RELN: variants seen among roughly 807,000 people sequenced by gnomAD.
The protein encoded by RELN is reelin.
In RELN, 108 loss-of-function variants were observed where a neutral mutation model predicts 427.6. That is an observed-to-expected ratio of 0.25 (90% CI 0.22 to 0.30). The LOEUF (loss-of-function observed/expected upper bound fraction) is 0.30, where lower values mean the gene tolerates loss of function less well. Ranked by LOEUF, RELN falls within the 10% of genes least tolerant of loss-of-function variation. The pLI is 1.00. For synonymous variants in RELN, 1,524 were observed against 1,513.4 expected, an observed-to-expected ratio of 1.01 and a Z score of -0.16; for missense variants, 3,715 against 4,302.8, an observed-to-expected ratio of 0.86 and a Z score of 3.82.
Position 103,532,215 on chromosome 7 carries a change from C to T in RELN, c.7349+3101G>A, listed in dbSNP as rs998403998. On this transcript the variant is annotated intron_variant, in intron 46 of 64. Transcript: ENST00000428762. ...AACAGAAAACCAAATACCATATGTT[C>T]TCACTTATAAGTGGGAGCTGAACAA... is the stretch of plus-strand genomic sequence containing the variant. Among the ~76,000 whole-genome samples the T allele has an allele frequency of 5.3e-5, 8 of 152,204 alleles. No individual in the cohort carries two copies. In the South Asian group the frequency reaches 1.7e-3, roughly 32 times the overall value.
At chr7:103,868,713 C>T (rs951435909) in intron 2 of RELN, among the ~76,000 whole-genome samples, 2 of 152,004 alleles carry the variant, frequency 1.3e-5, no homozygotes, top group Non-Finnish European at 2.9e-5. Flanking sequence ...GTCTTTCAAA[C>T]GCTTTGCCTT....
intron 10 of RELN, among the ~76,000 whole-genome samples, chr7:103,694,185 T>C (rs1447575972): frequency 6.6e-6 from 1 of 151,978 alleles, no homozygotes; most frequent in Non-Finnish European, 1.5e-5. Context: ...CAGAGAGTGA[T>C]GGGGGAGAAA....
chr7:103,792,250 A>AG (rs1792182704), intron 3 of RELN, among the ~76,000 whole-genome samples: 7 of 152,220 alleles, frequency 4.6e-5, no homozygotes, highest in Admixed American at 4.6e-4. Flanking sequence ...ATGTTCACAG[A>AG]GAAAAAAATG....
chr7:103,767,831 C>T (rs1163854938), intron 4 of RELN, among the ~76,000 whole-genome samples: 2 of 152,156 alleles, frequency 1.3e-5, no homozygotes, highest in Non-Finnish European at 2.9e-5. Context: ...GCTCTAATGT[C>T]ACCTTCTCAG....
intron 1 of RELN, among the ~76,000 whole-genome samples, chr7:103,927,800 A>C (rs1374605134): frequency 2.0e-5 from 3 of 152,068 alleles, no homozygotes; most frequent in African/African-American, 7.2e-5. Flanking sequence ...ATGAAGAAAA[A>C]CTCCAGGCGT....
chr7:103,766,240 C>A lies in RELN; in HGVS notation c.544+10317G>T, dbSNP rs535225156. On this transcript the variant is annotated intron_variant, in intron 4 of 64. Transcript: ENST00000428762. ...ATGTCATGAACAGGAGCTGTAACCA[C>A]TAAAATAAAATATAAGTTACAAAAT... Among the ~76,000 whole-genome samples, 55 of 152,234 alleles carry A rather than the reference C, an allele frequency of 3.6e-4. No individual in the cohort carries two copies. In the South Asian group the frequency reaches 9.5e-3, roughly 26 times the overall value.
At chr7:103,895,613 T>A (rs899787930) in intron 2 of RELN, among the ~76,000 whole-genome samples, 3 of 151,598 alleles carry the variant, frequency 2.0e-5, no homozygotes, top group South Asian at 2.1e-4. Context: ...ATGGTCCTGA[T>A]TTTTTTTTAA....
At chr7:103,897,566 T>C (rs1337487297) in intron 2 of RELN, among the ~76,000 whole-genome samples, 1 of 151,968 alleles carries the variant, frequency 6.6e-6, no homozygotes, top group Non-Finnish European at 1.5e-5. Context: ...AAGAAGAGAG[T>C]TGTTTATATA....
At chr7:103,974,792 C>T (rs1378408147) in intron 1 of RELN, among the ~76,000 whole-genome samples, 1 of 152,208 alleles carries the variant, frequency 6.6e-6, no homozygotes, top group African/African-American at 2.4e-5. Flanking sequence ...TTCTATCCTT[C>T]CCACTATTTA....
intron 27 of RELN, among the ~76,000 whole-genome samples, chr7:103,592,465 A>G (rs767695364): frequency 6.6e-6 from 1 of 152,014 alleles, no homozygotes; most frequent in Non-Finnish European, 1.5e-5. Flanking sequence ...GGTCTTTGCT[A>G]GTGTCAGTAG....
intron 2 of RELN, among the ~76,000 whole-genome samples, chr7:103,907,535 T>C (rs1795240449): frequency 6.7e-6 from 1 of 149,574 alleles, no homozygotes. Context: ...AGATTAGTGG[T>C]GGCCTAGGGG....
chr7:103,543,373 C>T (rs935624335), intron 42 of RELN, among the ~76,000 whole-genome samples: 12 of 152,096 alleles, frequency 7.9e-5, no homozygotes, highest in Admixed American at 1.3e-4. Flanking sequence ...AGGCTGGGTG[C>T]GGTGGCTCAC....
chr7:103,515,135 A>C, intron 50 of RELN, 50 bp downstream of exon 50: 1 of 1,613,190 alleles, frequency 6.2e-7, no homozygotes, highest in Non-Finnish European at 8.5e-7. Context: ...CCCAAATCCA[A>C]ACCACTGCAT....
chr7:103,489,231 C>CGTGTGTGT (rs1828563562), intron 60 of RELN, among the ~76,000 whole-genome samples: 1 of 113,576 alleles, frequency 8.8e-6, no homozygotes, highest in African/African-American at 4.1e-5. Context: ...TGTGTGTGTC[C>CGTGTGTGT]GTGTCACAGT....
At chr7:103,676,997 C>T (rs557187926) in intron 11 of RELN, among the ~76,000 whole-genome samples, 5 of 150,612 alleles carry the variant, frequency 3.3e-5, no homozygotes, top group African/African-American at 9.8e-5. Flanking sequence ...ATGTAACAAA[C>T]CTGCATGTTG....
At chr7:103,578,464 C>T (rs1245781116) in intron 28 of RELN, among the ~76,000 whole-genome samples, 2 of 152,166 alleles carry the variant, frequency 1.3e-5, no homozygotes, top group Admixed American at 6.5e-5. Context: ...TCCTTTTTCC[C>T]TTTCAATCTT....
Position 103,844,341 on chromosome 7 carries a change from T to C in RELN, c.338-10669A>G, listed in dbSNP as rs138198007. On this transcript the variant is annotated intron_variant, in intron 2 of 64. Coordinates refer to ENST00000428762, the MANE Select transcript of RELN (RefSeq NM_005045.4). The stretch of plus-strand genomic sequence containing the variant: ...CCTATCTGGGAAGTTTACTACAATA[T>C]CAAAATTACTACTCAGCACCATGAT... 8.4e-3 allele frequency among the ~76,000 whole-genome samples: 1,285 copies of C among 152,152 alleles called. 16 individuals are homozygous for C. Among genetic ancestry groups the C allele is most frequent in the African/African-American group, 0.029 (1,194 of 41,512 alleles).
intron 2 of RELN, among the ~76,000 whole-genome samples, chr7:103,879,334 G>A (rs1320997258): frequency 6.6e-6 from 1 of 152,184 alleles, no homozygotes; most frequent in Non-Finnish European, 1.5e-5. Flanking sequence ...TATTGCTACT[G>A]TTCCCTCCTC....
chr7:103,965,534 T>C (rs984367963), intron 1 of RELN, among the ~76,000 whole-genome samples: 4 of 152,274 alleles, frequency 2.6e-5, no homozygotes, highest in African/African-American at 4.8e-5. Context: ...ATCATTTTTA[T>C]ATATTTTTAA....
Sources: gnomAD v4.1 joint callset for allele counts (sites outside exome capture counted in the v4.1 genomes callset) on GRCh38, gnomAD v4.1.1 for gene constraint, MANE v1.5 for transcripts, NCBI Gene and HGNC (gene_info 2026-07-23, HGNC 2026-07-21) for gene names.